The following LENG8 variants were observed in gnomAD, a reference collection of about 807,000 sequenced individuals.
LENG8 encodes the protein leukocyte receptor cluster member 8.
LENG8 carries 28 observed loss-of-function variants against 102.1 expected under a neutral mutation model. The ratio of observed to expected loss-of-function variants is 0.27; its 90% CI spans 0.20 to 0.38. The LOEUF is 0.38. Ranked by LOEUF, LENG8 falls within the 10% of genes least tolerant of loss-of-function variation. The pLI is 1.00. For missense variants in LENG8, 1,022 were observed against 1,113.9 expected (o/e 0.92, Z 1.17); for synonymous variants, 531 against 456.7 (o/e 1.16, Z -2.07).
chr19:54,451,148 C>T lies in LENG8; in HGVS notation c.-55-142C>T, dbSNP rs367856179. The T allele has an allele frequency of 1.2e-3, 795 of 636,772 alleles. 16 individuals carry two copies. The South Asian group carries it at 0.014, about 11-fold the overall frequency. 39.4% of individuals were successfully genotyped at this position (636,772 alleles called of 1,614,324 possible). ...TTTCTAGTCCACACCCAGAACTCTT[C>T]AGATCCTTGACCCCAGTGGCTTTTC... On this transcript the variant is annotated intron_variant, in intron 1 of 15. Coordinates refer to ENST00000326764, the MANE Select transcript of LENG8 (RefSeq NM_052925.4).
intron 10 of LENG8, 58 bp downstream of exon 10, chr19:54,456,523 C>T: frequency 6.5e-7 from 1 of 1,548,846 alleles, no homozygotes; most frequent in Non-Finnish European, 8.7e-7. Context: ...ACTGGGGACC[C>T]ATGGGAGAAG....
rs546433718 is a variant in LENG8, at chr19:54,460,008, G to C, written c.2241-758G>C. On this transcript the variant is annotated intron_variant, in intron 15 of 15. Transcript: ENST00000326764. ...GCCATGAGTGCCCCTCGTGGGTGGG[G>C]CGCCAGTCTGTCATTGACCTCATTG... is the stretch of plus-strand genomic sequence containing the variant. 10 of 1,254,274 alleles carry C rather than the reference G, an allele frequency of 8.0e-6. No homozygotes were observed. In the Admixed American group the frequency reaches 2.0e-4, roughly 25 times the overall value. 77.7% of individuals were successfully genotyped at this position (1,254,274 alleles called of 1,614,324 possible).
In LENG8 at chr19:54,452,710, G is replaced by A. The variant is rs2084017058; in HGVS notation, c.273G>A (p.Gln91=). The change falls in exon 4 of 16, where the codon CAG becomes CAA. Residue 91 remains glutamine, a synonymous_variant. Transcript: ENST00000326764. ...LQQQQYYQWY[Q]QYNYAYPYSY... is the part of the protein sequence containing the mutation. ...AGCAGCAGTACTACCAGTGGTACCA[G>A]CAGTACAACTATGCCTACCCCTACA... is the stretch of plus-strand genomic sequence containing the variant. 2.5e-6 allele frequency: 4 copies of A among 1,613,964 alleles called. No homozygotes were observed. The highest frequency in any genetic ancestry group is 3.4e-6 in the Non-Finnish European group (4 of 1,179,924).
chr19:54,454,711 G>A (rs1421489361), intron 6 of LENG8, 29 bp downstream of exon 6: 9 of 1,559,190 alleles, frequency 5.8e-6, no homozygotes, highest in Non-Finnish European at 6.9e-6. Flanking sequence ...GTGGAGGTCC[G>A]AGCGGTTGGG....
chr19:54,460,591 C>T (rs949552179), intron 15 of LENG8, 175 bp from the exon 16 acceptor site: 17 of 1,415,822 alleles, frequency 1.2e-5, no homozygotes, highest in South Asian at 1.5e-5. Flanking sequence ...ACTAACCCCC[C>T]CCGGGCCCCC....
chr19:54,459,931 T>C (rs1275606850), intron 15 of LENG8: 1 of 1,199,992 alleles, frequency 8.3e-7, no homozygotes, highest in Admixed American at 3.1e-5. Context: ...GGTGTGTGGT[T>C]GGGCGAGTGT....
chr19:54,459,094 G>T, intron 15 of LENG8: 1 of 1,381,924 alleles, frequency 7.2e-7, no homozygotes. Context: ...GGCTTGCTGT[G>T]GGTGGGGATG....
Position 54,459,190 on chromosome 19 carries a change from C to T in LENG8, c.2240+669C>T, listed in dbSNP as rs2277977. 6.1e-6 allele frequency: 7 copies of T among 1,156,300 alleles called. No homozygotes were observed. In the African/African-American group the frequency reaches 7.9e-5, roughly 13 times the overall value. The allele number at this position is 1,156,300 out of a possible 1,614,324, so 71.6% of individuals were successfully genotyped here. On this transcript the variant is annotated intron_variant, in intron 15 of 15. Transcript: ENST00000326764. ...GCTGGGCAATGTCAAGAGAGGTTTT[C>T]GCTTGTCACAGCAAGGGGATGCTCT...
In LENG8 at chr19:54,461,878, G is replaced by C; in HGVS notation, c.*950G>C. On this transcript the variant is annotated 3_prime_UTR_variant, in exon 16 of 16. Transcript: ENST00000326764. ...TTGCAAACAGCTGGACTGTCAGGCT[G>C]CTTTTTTTCCAGATGTTCCTCCTCT... 1.4e-6 allele frequency: 1 copy of C among 730,532 alleles called. No homozygotes were observed. Among genetic ancestry groups the C allele is most frequent in the East Asian group, 2.7e-5 (1 of 36,766 alleles). The allele number at this position is 730,532 out of a possible 1,614,324, so 45.3% of individuals were successfully genotyped here. A position where few individuals can be genotyped will look rare whatever the true frequency, so the allele number is the denominator to read the frequency against.
chr19:54,451,232 T>G, intron 1 of LENG8, 58 bp from the exon 2 acceptor site: 2 of 1,130,736 alleles, frequency 1.8e-6, no homozygotes, highest in Non-Finnish European at 1.3e-6. Context: ...TCTTCCCCAC[T>G]TTGTGACGTG....
chr19:54,461,844 G>C lies in LENG8; in HGVS notation c.*916G>C. 1.8e-6 allele frequency: 1 copy of C among 560,056 alleles called. No homozygotes were observed. The highest frequency in any genetic ancestry group is 3.5e-6 in the Non-Finnish European group (1 of 285,686). The allele number at this position is 560,056 out of a possible 1,614,324, so 34.7% of individuals were successfully genotyped here. ...CTTCTGCCATGTAACTGGAGGATGT[G>C]CTATGAGTTTGCAAACAGCTGGACT... On this transcript the variant is annotated 3_prime_UTR_variant, in exon 16 of 16. Transcript: ENST00000326764.
chr19:54,460,837 C>T lies in LENG8; in HGVS notation c.2312C>T (p.Ala771Val). The T allele has an allele frequency of 6.3e-7, 1 of 1,576,952 alleles. No individual in the cohort carries two copies. Among genetic ancestry groups the T allele is most frequent in the Non-Finnish European group, 8.6e-7 (1 of 1,162,560 alleles). ...TTCGAGGGCGAGGCCGCCTGCCGGGCCTTCCTAGAGCCCCTGGGCCTGGCC... is the reference window on the plus strand; with the variant it reads ...TTCGAGGGCGAGGCCGCCTGCCGGGTCTTCCTAGAGCCCCTGGGCCTGGCC... ...LAFEGEAACR[A>V]FLEPLGLAYT... The change falls in exon 16 of 16, where the codon GCC becomes GTC. Residue 771 changes from alanine (A) to valine (V), a missense_variant. By Grantham distance (64) the Ala-to-Val change is moderately conservative (BLOSUM62 0). Transcript: ENST00000326764.
At position 54,457,768 on chromosome 19, in the gene LENG8, A is replaced by G. The variant is rs200297657; in HGVS notation, c.1753A>G (p.Met585Val). 50 of 1,614,008 alleles carry G rather than the reference A, an allele frequency of 3.1e-5. 1 individual carries two copies. In the East Asian group the frequency reaches 4.9e-4, roughly 16 times the overall value. The change falls in exon 12 of 16, where the codon ATG (methionine) becomes GTG (valine). Residue 585 changes from methionine (M) to valine (V), a missense_variant. By Grantham distance (21) the Met-to-Val change is conservative. This residue lies in a region of LENG8 where 158 missense variants were observed against 229.0 expected (regional missense o/e 0.69). Coordinates refer to ENST00000326764, the MANE Select transcript of LENG8 (RefSeq NM_052925.4). ...PVAVLKKSLC[M>V]VKCHWKEKQD... ...TCAGGTTTTGAAAAAGTCGCTGTGC[A>G]TGGTCAAGTGCCACTGGAAAGAGAA...
chr19:54,456,920 CAGTA>C lies in LENG8; in HGVS notation c.1731+3_1731+6del. ...GACCCGTCCACCGTGCGCCCTGTGG[CAGTA>C]AGTGCCCAGCAGGGCAGTTCTGCTC... is the stretch of plus-strand genomic sequence containing the variant. On this transcript the variant is annotated splice_donor_variant and splice_donor_region_variant and coding_sequence_variant and intron_variant, in exon 11 of 16. Coordinates refer to ENST00000326764, the MANE Select transcript of LENG8 (RefSeq NM_052925.4). LOFTEE classifies it high-confidence loss of function. The C allele has an allele frequency of 6.2e-7, 1 of 1,603,968 alleles. No homozygotes were observed. The highest frequency in any genetic ancestry group is 8.5e-7 in the Non-Finnish European group (1 of 1,178,306).
At chr19:54,449,955 TC>T (rs1258941378) in intron 1 of LENG8, among the ~76,000 whole-genome samples, 2 of 152,188 alleles carry the variant, frequency 1.3e-5, no homozygotes. Context: ...CTAGGGCTTT[TC>T]CCCAGCTCCA....
chr19:54,454,852 C>T (rs766793027), intron 6 of LENG8, 99 bp from the exon 7 acceptor site: 75 of 1,510,638 alleles, frequency 5.0e-5, no homozygotes, highest in Admixed American at 1.1e-4. Flanking sequence ...TCCTCTAGAA[C>T]CTGAGCGCTC....
Position 54,455,425 on chromosome 19 carries a change from G to C in LENG8, c.883G>C (p.Glu295Gln). The C allele has an allele frequency of 6.2e-7, 1 of 1,614,212 alleles. No individual in the cohort carries two copies. The highest frequency in any genetic ancestry group is 8.5e-7 in the Non-Finnish European group (1 of 1,180,042). The stretch of plus-strand genomic sequence containing the variant: ...GGATGACTGGCCCCAGGACATGAAA[G>C]AGTATGTGGAGCGCTGCTTCACCGC... Reference protein sequence around the residue: ...KPDDWPQDMKEYVERCFTACE... With the variant: ...KPDDWPQDMKQYVERCFTACE... The change falls in exon 8 of 16, where the codon GAG becomes CAG. Residue 295 changes from glutamate (E) to glutamine (Q), a missense_variant. This residue lies in a region of LENG8 where 343 missense variants were observed against 320.2 expected (regional missense o/e 1.07). Transcript: ENST00000326764.
chr19:54,459,546 C>T (rs1344226809), intron 15 of LENG8: 3 of 985,948 alleles, frequency 3.0e-6, no homozygotes. Context: ...AGGTTGTGGT[C>T]ACAGCATGGG....
At chr19:54,459,017 GCGGTGCCAGAGGC>G in intron 15 of LENG8, 13 of 1,436,626 alleles carry the variant, frequency 9.0e-6, no homozygotes, top group Non-Finnish European at 1.1e-5. Flanking sequence ...CACACTGGGC[GCGGTGCCAGAGGC>G]CCCTGGTCAG....
Sources: gnomAD v4.1 joint callset for allele counts (sites outside exome capture counted in the v4.1 genomes callset) on GRCh38, gnomAD v4.1.1 for gene constraint, gnomAD v4.1.1 regional missense constraint, MANE v1.5 for transcripts, NCBI Gene and HGNC (gene_info 2026-07-23, HGNC 2026-07-21) for gene names.